PARVA: variants seen among roughly 807,000 people sequenced by gnomAD.
The protein encoded by PARVA is alpha-parvin.
Under a neutral mutation model 52.6 loss-of-function variants are expected in PARVA, and 25 were observed. The ratio of observed to expected loss-of-function variants is 0.48; its 90% CI spans 0.35 to 0.66. PARVA has a LOEUF of 0.66. Ranked by LOEUF, PARVA falls within the 30% of genes least tolerant of loss-of-function variation. The probability of loss-of-function intolerance (pLI) is 0.01; values close to 1 mark genes in which losing one functional copy is unlikely to be tolerated. For missense variants in PARVA, 373 were observed against 450.9 expected, an observed-to-expected ratio of 0.83 and a Z score of 1.56; for synonymous variants, 185 against 179.1, an observed-to-expected ratio of 1.03 and a Z score of -0.26.
At chr11:12,476,281 G>A (rs1564856987) in intron 3 of PARVA, among the ~76,000 whole-genome samples, 1 of 152,114 alleles carries the variant, frequency 6.6e-6, no homozygotes, top group Non-Finnish European at 1.5e-5. Flanking sequence ...TCTAGATCTA[G>A]GCTGCTTTGA....
chr11:12,511,503 T>C lies in PARVA; in HGVS notation c.717-11T>C. The C allele has an allele frequency of 6.2e-7, 1 of 1,612,626 alleles. No individual in the cohort carries two copies. Among genetic ancestry groups the C allele is most frequent in the Non-Finnish European group, 8.5e-7 (1 of 1,179,350 alleles). ...AAGAGTCACACTATTTTCTTTCTCT[T>C]TTTCCTCCAGGGCTCTTTCCGGGAG... On this transcript the variant is annotated splice_polypyrimidine_tract_variant and intron_variant, in intron 7 of 12. Coordinates refer to ENST00000334956, the MANE Select transcript of PARVA (RefSeq NM_018222.5).
intron 4 of PARVA, 108 bp from the exon 5 acceptor site, chr11:12,496,350 G>GCATGCATGCATGAGTT: frequency 1.8e-6 from 2 of 1,120,858 alleles, no homozygotes; most frequent in Non-Finnish European, 1.3e-6. Context: ...TTGCAAGAGT[G>GCATGCATGCATGAGTT]CATGCATGCA....
At chr11:12,503,075 G>A (rs1321736312) in intron 5 of PARVA, among the ~76,000 whole-genome samples, 1 of 152,124 alleles carries the variant, frequency 6.6e-6, no homozygotes, top group African/African-American at 2.4e-5. Flanking sequence ...TGCCTTCTCT[G>A]GTGTAAATGG....
Position 12,432,713 on chromosome 11 carries a change from C to T in PARVA, c.137-41032C>T, listed in dbSNP as rs111948723. 3.8e-3 allele frequency among the ~76,000 whole-genome samples: 580 copies of T among 152,314 alleles called. 6 individuals carry two copies. The highest frequency in any genetic ancestry group is 0.013 in the African/African-American group (546 of 41,568). ...CATGTGTACGTTATTTAGGCTCTTG[C>T]GTCATTTTTTTCTGTATCAAGATTT... is the stretch of plus-strand genomic sequence containing the variant. On this transcript the variant is annotated intron_variant, in intron 1 of 12. Coordinates refer to ENST00000334956, the MANE Select transcript of PARVA (RefSeq NM_018222.5).
At chr11:12,411,091 G>C (rs919605655) in intron 1 of PARVA, among the ~76,000 whole-genome samples, 13 of 152,170 alleles carry the variant, frequency 8.5e-5, no homozygotes, top group Non-Finnish European at 1.6e-4. Flanking sequence ...AATGTTACTA[G>C]AGCACAAGTT....
chr11:12,400,748 T>A (rs12295194), intron 1 of PARVA, among the ~76,000 whole-genome samples: 7,507 of 152,294 alleles, frequency 0.049, 617 homozygotes, highest in African/African-American at 0.17. Flanking sequence ...GCAACTGTTT[T>A]GCATCCAGTG....
In PARVA at chr11:12,510,672, CA is replaced by C. The variant is rs750869866; in HGVS notation, c.717-841del. Reference sequence around the variant, plus strand: ...AAAGGCTCTTCTTACATGGTGGTGGCAGAGAAAATGAGGAAGAAGCAAAAGA... The same window carrying C: ...AAAGGCTCTTCTTACATGGTGGTGGCGAGAAAATGAGGAAGAAGCAAAAGA... On this transcript the variant is annotated intron_variant, in intron 7 of 12. Coordinates refer to ENST00000334956, the MANE Select transcript of PARVA (RefSeq NM_018222.5). Among the ~76,000 whole-genome samples, 13 of 152,220 alleles carry C rather than the reference CA, an allele frequency of 8.5e-5. No homozygotes were observed. The East Asian group carries it at 1.5e-3, about 18-fold the overall frequency.
At chr11:12,438,417 T>C (rs1196641471) in intron 1 of PARVA, among the ~76,000 whole-genome samples, 1 of 152,020 alleles carries the variant, frequency 6.6e-6, no homozygotes, top group Non-Finnish European at 1.5e-5. Flanking sequence ...AGACAGGAAA[T>C]CAGCCCAAAC....
chr11:12,504,207 A>C, intron 5 of PARVA, 107 bp from the exon 6 acceptor site: 1 of 666,192 alleles, frequency 1.5e-6, no homozygotes, highest in Non-Finnish European at 2.7e-6. Context: ...GGCAGGGACA[A>C]ATATCCAAAC....
At chr11:12,478,989 G>A (rs897395693) in intron 4 of PARVA, 4 of 152,242 alleles carry the variant, frequency 2.6e-5, no homozygotes, top group African/African-American at 9.6e-5. Context: ...TGTCTCCTTG[G>A]TCTCACCCAC....
rs114857127 is a variant in PARVA, at chr11:12,497,639, A to G, written c.541+1041A>G. Among the ~76,000 whole-genome samples the G allele has an allele frequency of 1.5e-3, 228 of 152,274 alleles. 1 individual carries two copies. Among genetic ancestry groups the G allele is most frequent in the African/African-American group, 5.3e-3 (219 of 41,548 alleles). On this transcript the variant is annotated intron_variant, in intron 5 of 12. Coordinates refer to ENST00000334956, the MANE Select transcript of PARVA (RefSeq NM_018222.5). The stretch of plus-strand genomic sequence containing the variant: ...TTTGCACAGCAGTGACGCTGGGAAC[A>G]GGGCACAGGGCGTTCTTTGCCCGCA...
chr11:12,448,808 ACTTGG>A (rs1332374841), intron 1 of PARVA, among the ~76,000 whole-genome samples: 1 of 152,188 alleles, frequency 6.6e-6, no homozygotes, highest in Non-Finnish European at 1.5e-5. Flanking sequence ...ACTCACTACT[ACTTGG>A]GTAACATTTA....
Position 12,494,663 on chromosome 11 carries a change from A to C in PARVA, c.401-1795A>C, listed in dbSNP as rs1941275042. Reference sequence around the variant, plus strand: ...TCTTATGTCACACCATTTAAAAAAAAAAAGAATGAACTAGACAACTGTGCA... The same window carrying C: ...TCTTATGTCACACCATTTAAAAAAACAAAGAATGAACTAGACAACTGTGCA... On this transcript the variant is annotated intron_variant, in intron 4 of 12. Transcript: ENST00000334956. Among the ~76,000 whole-genome samples the C allele has an allele frequency of 3.9e-5, 6 of 152,244 alleles. No homozygotes were observed. In the South Asian group the frequency reaches 1.2e-3, roughly 32 times the overall value.
chr11:12,514,930 G>A (rs917798372), intron 10 of PARVA, among the ~76,000 whole-genome samples: 8 of 152,160 alleles, frequency 5.3e-5, no homozygotes, highest in Admixed American at 1.3e-4. Flanking sequence ...ACAACTCCTC[G>A]GCCTTTCTTG....
intron 1 of PARVA, among the ~76,000 whole-genome samples, chr11:12,419,648 A>G (rs1017985606): frequency 9.2e-5 from 14 of 152,172 alleles, no homozygotes; most frequent in African/African-American, 2.7e-4. Flanking sequence ...AAATTGCTGG[A>G]TCTTACAGGT....
At chr11:12,519,887 C>A (rs1218293702) in intron 12 of PARVA, among the ~76,000 whole-genome samples, 1 of 152,216 alleles carries the variant, frequency 6.6e-6, no homozygotes, top group Non-Finnish European at 1.5e-5. Flanking sequence ...GCCACTCCAG[C>A]CTTCCTAATG....
intron 1 of PARVA, among the ~76,000 whole-genome samples, chr11:12,436,790 GAAATGC>G (rs1940393723): frequency 6.6e-6 from 1 of 152,140 alleles, no homozygotes; most frequent in African/African-American, 2.4e-5. Context: ...GGAAAGGATG[GAAATGC>G]AAACTATTTC....
At chr11:12,508,259 T>G (rs1319886627) in intron 6 of PARVA, among the ~76,000 whole-genome samples, 1 of 152,148 alleles carries the variant, frequency 6.6e-6, no homozygotes, top group Non-Finnish European at 1.5e-5. Context: ...TGGCCTTCAT[T>G]TCCATTTGGT....
intron 4 of PARVA, among the ~76,000 whole-genome samples, chr11:12,481,945 G>A (rs1941092405): frequency 6.6e-6 from 1 of 151,976 alleles, no homozygotes; most frequent in Non-Finnish European, 1.5e-5. Flanking sequence ...TCAGGCAGGT[G>A]GATCATCTGA....
Sources: gnomAD v4.1 joint callset for allele counts (sites outside exome capture counted in the v4.1 genomes callset) on GRCh38, gnomAD v4.1.1 for gene constraint, MANE v1.5 for transcripts, NCBI Gene and HGNC (gene_info 2026-07-23, HGNC 2026-07-21) for gene names.